The following GPC5 variants were observed in gnomAD, a reference collection of about 807,000 sequenced individuals.
GPC5 encodes glypican 5.
Under a neutral mutation model 53.9 loss-of-function variants are expected in GPC5, and 47 were observed. The observed-to-expected ratio is 0.87, with a 90% confidence interval of 0.69 to 1.11. GPC5 has a LOEUF of 1.11. GPC5 is among the 50% of genes most tolerant of loss of function. The probability of loss-of-function intolerance (pLI) is 0.00; values close to 1 mark genes in which losing one functional copy is unlikely to be tolerated. For synonymous variants in GPC5, 286 were observed against 263.3 expected, an observed-to-expected ratio of 1.09 and a Z score of -0.84; for missense variants, 748 against 713.1, an observed-to-expected ratio of 1.05 and a Z score of -0.56.
chr13:91,982,220 G>C (rs1028379721), intron 6 of GPC5, among the ~76,000 whole-genome samples: 4 of 152,182 alleles, frequency 2.6e-5, no homozygotes, highest in African/African-American at 9.7e-5. Context: ...TTCATCCCTT[G>C]AAGGACAATG....
chr13:92,016,479 A>T (rs557626712), intron 6 of GPC5, among the ~76,000 whole-genome samples: 78 of 152,058 alleles, frequency 5.1e-4, no homozygotes, highest in Non-Finnish European at 2.2e-4. Flanking sequence ...AGGGTGGATG[A>T]CCTATAATTC....
intron 2 of GPC5, among the ~76,000 whole-genome samples, chr13:91,565,121 C>T (rs967349326): frequency 6.6e-6 from 1 of 151,932 alleles, no homozygotes; most frequent in Admixed American, 6.6e-5. Context: ...TCCCAAGTAG[C>T]TGGGATTATA....
chr13:92,101,784 A>G, intron 6 of GPC5, among the ~76,000 whole-genome samples: 1 of 152,240 alleles, frequency 6.6e-6, no homozygotes, highest in East Asian at 1.9e-4. Context: ...TTTAAGATTG[A>G]ATAACATTTA....
intron 7 of GPC5, among the ~76,000 whole-genome samples, chr13:92,827,073 G>T (rs889397496): frequency 5.3e-5 from 8 of 152,020 alleles, no homozygotes; most frequent in Non-Finnish European, 1.2e-4. Flanking sequence ...TTTGAGAGTG[G>T]AGGTTATCAT....
At chr13:92,473,682 T>C in intron 7 of GPC5, among the ~76,000 whole-genome samples, 1 of 152,154 alleles carries the variant, frequency 6.6e-6, no homozygotes, top group East Asian at 1.9e-4. Context: ...GTAAATTGTA[T>C]ATAGACACTG....
chr13:91,684,530 C>T (rs114726051), intron 2 of GPC5, among the ~76,000 whole-genome samples: 1,657 of 152,260 alleles, frequency 0.011, 29 homozygotes, highest in African/African-American at 0.039. Context: ...TCCCTCCAAA[C>T]AAACCACAAG....
chr13:91,510,366 T>G lies in GPC5; in HGVS notation c.325+61444T>G, dbSNP rs570210462. On this transcript the variant is annotated intron_variant, in intron 2 of 7. Transcript: ENST00000377067. ...CATATGAAAACTGAGCACAGAAACG[T>G]TATGTGATTTGCCCCAAGATATCCA... is the stretch of plus-strand genomic sequence containing the variant. Among the ~76,000 whole-genome samples, 219 of 152,296 alleles carry G rather than the reference T, an allele frequency of 1.4e-3. 2 individuals carry two copies. Among genetic ancestry groups the G allele is most frequent in the African/African-American group, 5.1e-3 (214 of 41,572 alleles).
At chr13:92,422,752 G>C (rs892056176) in intron 7 of GPC5, among the ~76,000 whole-genome samples, 4 of 151,954 alleles carry the variant, frequency 2.6e-5, no homozygotes, top group African/African-American at 9.7e-5. Context: ...GAAAAAAAAA[G>C]TTGCCATTTT....
At chr13:92,463,107 A>T (rs1239200073) in intron 7 of GPC5, among the ~76,000 whole-genome samples, 1 of 152,166 alleles carries the variant, frequency 6.6e-6, no homozygotes, top group Non-Finnish European at 1.5e-5. Flanking sequence ...GGGCAAGGAT[A>T]GGGCTTCACC....
At chr13:92,724,649 G>T (rs1888588113) in intron 7 of GPC5, among the ~76,000 whole-genome samples, 1 of 151,618 alleles carries the variant, frequency 6.6e-6, no homozygotes, top group African/African-American at 2.4e-5. Context: ...CCACTTACGT[G>T]AGGTATCTAA....
intron 2 of GPC5, among the ~76,000 whole-genome samples, chr13:91,472,705 G>C (rs1484455196): frequency 6.6e-6 from 1 of 152,164 alleles, no homozygotes; most frequent in Non-Finnish European, 1.5e-5. Flanking sequence ...AAATATTATT[G>C]AAAATGCTGA....
Position 92,557,168 on chromosome 13 carries a change from G to A in GPC5, c.1562-309114G>A, listed in dbSNP as rs1882524286. 2.0e-5 allele frequency among the ~76,000 whole-genome samples: 3 copies of A among 151,684 alleles called. No individual in the cohort carries two copies. In the Middle Eastern group the frequency reaches 0.01, roughly 523 times the overall value. ...CTATTCTAGCCCCTTTTGATGGACC[G>A]AGTCTGTCTTTTTTGTCATGTAAGT... On this transcript the variant is annotated intron_variant, in intron 7 of 7. Transcript: ENST00000377067.
intron 7 of GPC5, among the ~76,000 whole-genome samples, chr13:92,545,938 G>C (rs1882094647): frequency 6.6e-6 from 1 of 152,030 alleles, no homozygotes; most frequent in Admixed American, 6.6e-5. Context: ...GATCCCATTT[G>C]TCAATTTTGG....
intron 2 of GPC5, among the ~76,000 whole-genome samples, chr13:91,643,749 CA>C (rs1341116371): frequency 6.6e-6 from 1 of 152,172 alleles, no homozygotes; most frequent in African/African-American, 2.4e-5. Context: ...CTGCCTTCAC[CA>C]TCACATGGCC....
intron 7 of GPC5, among the ~76,000 whole-genome samples, chr13:92,327,915 G>T (rs910107792): frequency 2.0e-5 from 3 of 152,028 alleles, no homozygotes; most frequent in Non-Finnish European, 4.4e-5. Context: ...TTTCCATCTT[G>T]TCTTCACTAA....
chr13:92,254,817 ACAG>A (rs2042716042), intron 7 of GPC5, among the ~76,000 whole-genome samples: 1 of 152,106 alleles, frequency 6.6e-6, no homozygotes, highest in South Asian at 2.1e-4. Context: ...TATCACAAGA[ACAG>A]CATAGGGGAA....
At chr13:92,419,370 C>A (rs544830858) in intron 7 of GPC5, among the ~76,000 whole-genome samples, 1 of 152,078 alleles carries the variant, frequency 6.6e-6, no homozygotes, top group African/African-American at 2.4e-5. Flanking sequence ...ATCACTCTCT[C>A]TTAAATGGTG....
At chr13:92,487,160 G>A (rs1180828294) in intron 7 of GPC5, among the ~76,000 whole-genome samples, 1 of 152,062 alleles carries the variant, frequency 6.6e-6, no homozygotes, top group Non-Finnish European at 1.5e-5. Context: ...GGGAATTTTT[G>A]TTGTCTTAGA....
At chr13:91,572,392 G>A (rs1312222855) in intron 2 of GPC5, among the ~76,000 whole-genome samples, 1 of 151,688 alleles carries the variant, frequency 6.6e-6, no homozygotes, top group Non-Finnish European at 1.5e-5. Context: ...CTGAGACAGG[G>A]TGATCTATAA....
Sources: gnomAD v4.1 joint callset for allele counts (sites outside exome capture counted in the v4.1 genomes callset) on GRCh38, gnomAD v4.1.1 for gene constraint, MANE v1.5 for transcripts, NCBI Gene and HGNC (gene_info 2026-07-23, HGNC 2026-07-21) for gene names.